The following ZC2HC1B variants were observed in gnomAD, a reference collection of about 807,000 sequenced individuals.
The protein encoded by ZC2HC1B is zinc finger C2HC domain-containing protein 1B.
In ZC2HC1B, 36 loss-of-function variants were observed where a neutral mutation model predicts 31.0. That is an observed-to-expected ratio of 1.16 (90% CI 0.89 to 1.54). The LOEUF (loss-of-function observed/expected upper bound fraction) is 1.54. Among genes scored for constraint, ZC2HC1B ranks in the 40% most tolerant of loss-of-function variants. The probability of loss-of-function intolerance (pLI) is 0.00; values close to 1 mark genes in which losing one functional copy is unlikely to be tolerated. For missense variants in ZC2HC1B, 260 were observed against 268.6 expected (o/e 0.97, Z 0.22); for synonymous variants, 73 against 88.0 (o/e 0.83, Z 0.95).
intron 6 of ZC2HC1B, among the ~76,000 whole-genome samples, chr6:143,927,436 A>G (rs1426787544): frequency 6.6e-6 from 1 of 152,206 alleles, no homozygotes; most frequent in East Asian, 1.9e-4. Context: ...TTTACTTGAG[A>G]TAATGGCCTC....
At chr6:143,930,941 A>G (rs1778111740) in intron 6 of ZC2HC1B, among the ~76,000 whole-genome samples, 2 of 152,280 alleles carry the variant, frequency 1.3e-5, no homozygotes, top group South Asian at 2.1e-4. Flanking sequence ...TTCTGTCTTG[A>G]TGATCTGTTT....
chr6:143,912,474 TTCTTTTAACAGCCTGGCAAC>T (rs1415598458), intron 6 of ZC2HC1B, among the ~76,000 whole-genome samples: 2 of 152,246 alleles, frequency 1.3e-5, no homozygotes, highest in African/African-American at 4.8e-5. Flanking sequence ...TTGTTTGTTT[TTCTTTTAACAGCCTGGCAAC>T]TCATCCATAG....
Position 143,918,796 on chromosome 6 carries a change from A to G in ZC2HC1B, c.598+15644A>G, listed in dbSNP as rs1000241657. Among the ~76,000 whole-genome samples the G allele has an allele frequency of 6.6e-6, 1 of 152,016 alleles. No homozygotes were observed. The highest frequency in any genetic ancestry group is 1.5e-5 in the Non-Finnish European group (1 of 67,998). ...GATAATTTCCATTGTCCTGTCTTTA[A>G]GTTTGCTGAGTCTTTCCTCTGTTTG... On this transcript the variant is annotated intron_variant, in intron 6 of 7. Transcript: ENST00000237275. This position sits in a 1 kb window ranked among gnomAD's most constrained non-coding sequence, Gnocchi z 4.1.
chr6:143,890,582 T>C (rs190254924), intron 4 of ZC2HC1B, among the ~76,000 whole-genome samples: 2 of 152,228 alleles, frequency 1.3e-5, no homozygotes, highest in Non-Finnish European at 2.9e-5. Context: ...CACTGTACTA[T>C]TGATAATGCT....
rs1283028527 is a variant in ZC2HC1B at position 143,883,710 on chromosome 6, CT to C, written c.29-587del. ...CCAATGTCATTAATTTATCTGCATA[CT>C]TTTTTTCTGTGCTGGTCCCATGTAT... On this transcript the variant is annotated intron_variant, in intron 1 of 7. Coordinates refer to ENST00000237275, the MANE Select transcript of ZC2HC1B (RefSeq NM_001013623.3). This position sits in a 1 kb window ranked among gnomAD's most constrained non-coding sequence, Gnocchi z 4.1. Among the ~76,000 whole-genome samples the C allele has an allele frequency of 2.0e-5, 3 of 152,190 alleles. No individual in the cohort carries two copies. The highest frequency in any genetic ancestry group is 4.8e-5 in the African/African-American group (2 of 41,438).
chr6:143,881,976 C>T (rs570859022), intron 1 of ZC2HC1B, among the ~76,000 whole-genome samples: 1 of 152,212 alleles, frequency 6.6e-6, no homozygotes, highest in Admixed American at 6.5e-5. Context: ...CAGGTGAGTA[C>T]TAACATCTCT....
At position 143,871,190 on chromosome 6, in the gene ZC2HC1B, A is replaced by G. The variant is rs975548860; in HGVS notation, c.28+6623A>G. Among the ~76,000 whole-genome samples, 1 of 152,190 alleles carries G rather than the reference A, an allele frequency of 6.6e-6. No homozygotes were observed. Among genetic ancestry groups the G allele is most frequent in the African/African-American group, 2.4e-5 (1 of 41,440 alleles). On this transcript the variant is annotated intron_variant, in intron 1 of 7. Transcript: ENST00000237275. The surrounding 1 kb of genome is among the most constrained non-coding windows in gnomAD (Gnocchi z 4.1). ...ATTTCCCATCCTCTGGCACGCAAAT[A>G]TCTCACCAATAAGTCCAGTGTGTTT...
At chr6:143,894,270 A>G (rs2128494580) in intron 4 of ZC2HC1B, among the ~76,000 whole-genome samples, 1 of 152,346 alleles carries the variant, frequency 6.6e-6, no homozygotes, top group East Asian at 1.9e-4. Flanking sequence ...TAGGACAGGG[A>G]AATCTTATGA....
chr6:143,891,696 A>C (rs1202168617), intron 4 of ZC2HC1B, among the ~76,000 whole-genome samples: 1 of 150,564 alleles, frequency 6.6e-6, no homozygotes, highest in Non-Finnish European at 1.5e-5. Flanking sequence ...TCTGTCTCAA[A>C]AAAAAAAAAA....
chr6:143,903,153 G>C lies in ZC2HC1B; in HGVS notation c.598+1G>C, dbSNP rs775181201. The C allele has an allele frequency of 1.6e-5, 25 of 1,551,960 alleles. No individual in the cohort carries two copies. The highest frequency in any genetic ancestry group is 2.0e-5 in the Admixed American group (1 of 50,990). ...ACGAATGAAGTCCCAACCAAGTCAG[G>C]TGAGTCAAAGCACGCATTTCATCTC... On this transcript the variant is annotated splice_donor_variant, in intron 6 of 7. Coordinates refer to ENST00000237275, the MANE Select transcript of ZC2HC1B (RefSeq NM_001013623.3). LOFTEE classifies it high-confidence loss of function. The surrounding 1 kb of genome is among the most constrained non-coding windows in gnomAD (Gnocchi z 4.3).
In ZC2HC1B at chr6:143,883,479, TGTAGA is replaced by T. The variant is rs1221662278; in HGVS notation, c.29-821_29-817del. Among the ~76,000 whole-genome samples, 1 of 152,242 alleles carries T rather than the reference TGTAGA, an allele frequency of 6.6e-6. No individual in the cohort carries two copies. The highest frequency in any genetic ancestry group is 2.4e-5 in the African/African-American group (1 of 41,462). ...AATGTCCCTTGTTGCTTTCTTTGCA[TGTAGA>T]GTAAAGCCCAGATGACTGGTCTAAT... On this transcript the variant is annotated intron_variant, in intron 1 of 7. Transcript: ENST00000237275. This position sits in a 1 kb window ranked among gnomAD's most constrained non-coding sequence, Gnocchi z 4.1.
rs117452539 is a variant in ZC2HC1B, at chr6:143,919,645, T to C, written c.598+16493T>C. 1.2e-3 allele frequency among the ~76,000 whole-genome samples: 180 copies of C among 152,288 alleles called. 2 individuals are homozygous for C. In the East Asian group the frequency reaches 0.024, roughly 21 times the overall value. The stretch of plus-strand genomic sequence containing the variant: ...TAGAGATTCTTATTTGGGTTCTTAT[T>C]TGCCTACCATGGCTCCCACAGGCCA... On this transcript the variant is annotated intron_variant, in intron 6 of 7. Transcript: ENST00000237275.
chr6:143,898,583 G>T lies in ZC2HC1B; in HGVS notation c.381G>T (p.Arg127Ser). The T allele has an allele frequency of 6.4e-7, 1 of 1,551,726 alleles. No individual in the cohort carries two copies. Among genetic ancestry groups the T allele is most frequent in the Non-Finnish European group, 8.7e-7 (1 of 1,146,990 alleles). Reference protein sequence around the residue: ...DYIQRPYCMRRFNESAAERHT... With the variant: ...DYIQRPYCMRSFNESAAERHT... ...TTCAACGTCCATATTGTATGAGAAG[G>T]TTTAATGAAAGCGCAGCTGAGCGAC... The change falls in exon 5 of 8, where the codon AGG (arginine) becomes AGT (serine). Residue 127 changes from arginine (R) to serine (S), a missense_variant. Coordinates refer to ENST00000237275, the MANE Select transcript of ZC2HC1B (RefSeq NM_001013623.3).
chr6:143,929,033 A>T (rs1333924248), intron 6 of ZC2HC1B, among the ~76,000 whole-genome samples: 1 of 152,134 alleles, frequency 6.6e-6, no homozygotes, highest in East Asian at 1.9e-4. Context: ...TTTCATCAGC[A>T]AACAAAGATA....
At chr6:143,880,654 G>A (rs566180793) in intron 1 of ZC2HC1B, among the ~76,000 whole-genome samples, 5 of 151,920 alleles carry the variant, frequency 3.3e-5, no homozygotes, top group African/African-American at 7.2e-5. Flanking sequence ...GGCCTTCATC[G>A]AAAGTATTAA....
At chr6:143,901,500 T>A (rs1296056448) in intron 5 of ZC2HC1B, among the ~76,000 whole-genome samples, 2 of 152,026 alleles carry the variant, frequency 1.3e-5, no homozygotes. Flanking sequence ...CCTCAGGTGA[T>A]CTGCCTGCCT....
intron 1 of ZC2HC1B, among the ~76,000 whole-genome samples, chr6:143,874,336 T>C (rs1582950908): frequency 6.6e-6 from 1 of 152,308 alleles, no homozygotes; most frequent in Non-Finnish European, 1.5e-5. Context: ...CTTTCCCACA[T>C]TTTCCTGTCT....
chr6:143,903,251 A>C lies in ZC2HC1B; in HGVS notation c.598+99A>C. 1 of 1,054,862 alleles carries C rather than the reference A, an allele frequency of 9.5e-7. No homozygotes were observed. The highest frequency in any genetic ancestry group is 1.4e-5 in the South Asian group (1 of 69,504). 65.3% of individuals were successfully genotyped at this position (1,054,862 alleles called of 1,614,324 possible). ...TGGTAGTCTGCAAAAGCTCTAAGACATTCACTGTTGCTTTTGGATGCAAAG... is the reference window on the plus strand; with the variant it reads ...TGGTAGTCTGCAAAAGCTCTAAGACCTTCACTGTTGCTTTTGGATGCAAAG... On this transcript the variant is annotated intron_variant, in intron 6 of 7. Coordinates refer to ENST00000237275, the MANE Select transcript of ZC2HC1B (RefSeq NM_001013623.3). The surrounding 1 kb of genome is among the most constrained non-coding windows in gnomAD (Gnocchi z 4.3).
In ZC2HC1B at chr6:143,869,030, G is replaced by A. The variant is rs182595923; in HGVS notation, c.28+4463G>A. Among the ~76,000 whole-genome samples, 123 of 152,280 alleles carry A rather than the reference G, an allele frequency of 8.1e-4. No individual in the cohort carries two copies. Among genetic ancestry groups the A allele is most frequent in the Non-Finnish European group, 1.3e-3 (86 of 68,022 alleles). On this transcript the variant is annotated intron_variant, in intron 1 of 7. Coordinates refer to ENST00000237275, the MANE Select transcript of ZC2HC1B (RefSeq NM_001013623.3). This position sits in a 1 kb window ranked among gnomAD's most constrained non-coding sequence, Gnocchi z 5.2. ...TGGTCACGTGGTCATAGCTGGTATTGATGACTACATTCTTCTACTACCCAT... is the reference window on the plus strand; with the variant it reads ...TGGTCACGTGGTCATAGCTGGTATTAATGACTACATTCTTCTACTACCCAT...
Sources: gnomAD v4.1 joint callset for allele counts (sites outside exome capture counted in the v4.1 genomes callset) on GRCh38, gnomAD v4.1.1 for gene constraint, Gnocchi (gnomAD v3.1) non-coding constraint, MANE v1.5 for transcripts, NCBI Gene and HGNC (gene_info 2026-07-23, HGNC 2026-07-21) for gene names.